The following GRID2 variants were observed in gnomAD, a reference collection of about 807,000 sequenced individuals.
GRID2 encodes the protein glutamate receptor ionotropic, delta-2.
In GRID2, 33 loss-of-function variants were observed where a neutral mutation model predicts 114.8. The observed-to-expected ratio is 0.29, with a 90% confidence interval of 0.22 to 0.38. The LOEUF (loss-of-function observed/expected upper bound fraction) is 0.38, where lower values mean the gene tolerates loss of function less well. Among genes scored for constraint, GRID2 ranks in the 10% least tolerant of loss-of-function variants. The pLI, the probability that GRID2 is intolerant of heterozygous loss-of-function variation, is 1.00. For missense variants in GRID2, 1,184 were observed against 1,257.7 expected, an observed-to-expected ratio of 0.94 and a Z score of 0.89; for synonymous variants, 505 against 449.9, an observed-to-expected ratio of 1.12 and a Z score of -1.55.
rs530851068 is a variant in GRID2 at position 92,950,675 on chromosome 4, A to G, written c.245-134320A>G. On this transcript the variant is annotated intron_variant, in intron 2 of 15. Transcript: ENST00000282020. ...GGCAATGCAATACATTTTGTCCTCC[A>G]AATCATCAGCCATGAAAATTGGTCC... 3.9e-5 allele frequency among the ~76,000 whole-genome samples: 6 copies of G among 152,320 alleles called. No homozygotes were observed. In the South Asian group the frequency reaches 1.2e-3, roughly 32 times the overall value.
chr4:93,423,334 T>C (rs1252301458), intron 10 of GRID2, among the ~76,000 whole-genome samples: 4 of 135,476 alleles, frequency 3.0e-5, no homozygotes, highest in Admixed American at 2.4e-4. Context: ...TTTTTTTTCT[T>C]TCTTTTTTTT....
Position 92,404,872 on chromosome 4 carries a change from G to C in GRID2, c.88+100128G>C, listed in dbSNP as rs141503877. Among the ~76,000 whole-genome samples, 670 of 152,196 alleles carry C rather than the reference G, an allele frequency of 4.4e-3. 1 individual carries two copies. Among genetic ancestry groups the C allele is most frequent in the Admixed American group, 7.0e-3 (107 of 15,272 alleles). The stretch of plus-strand genomic sequence containing the variant: ...ACAGAGGGGAACAACACACACTGGG[G>C]CCTGTTGGGCTGGTGGGGAGGGAGA... On this transcript the variant is annotated intron_variant, in intron 1 of 15. Coordinates refer to ENST00000282020, the MANE Select transcript of GRID2 (RefSeq NM_001510.4).
intron 2 of GRID2, among the ~76,000 whole-genome samples, chr4:93,011,373 A>T (rs908742601): frequency 6.6e-6 from 1 of 151,906 alleles, no homozygotes; most frequent in African/African-American, 2.4e-5. Context: ...CTGATTCATT[A>T]TATCACCTGC....
At chr4:93,721,580 C>G (rs1009866499) in intron 14 of GRID2, among the ~76,000 whole-genome samples, 2 of 152,114 alleles carry the variant, frequency 1.3e-5, no homozygotes, top group Non-Finnish European at 2.9e-5. Flanking sequence ...GCTTCTTTTT[C>G]TGTCAAATTG....
At chr4:93,081,095 A>T (rs1729820616) in intron 2 of GRID2, among the ~76,000 whole-genome samples, 1 of 150,704 alleles carries the variant, frequency 6.6e-6, no homozygotes, top group South Asian at 2.1e-4. Flanking sequence ...TCAATATTTC[A>T]ACTTTGGGGG....
chr4:92,479,520 A>G (rs1722479858), intron 1 of GRID2, among the ~76,000 whole-genome samples: 1 of 152,160 alleles, frequency 6.6e-6, no homozygotes, highest in Admixed American at 6.6e-5. Flanking sequence ...TTAAATGAGC[A>G]CTTACATATT....
intron 2 of GRID2, among the ~76,000 whole-genome samples, chr4:92,674,348 C>T (rs1413083178): frequency 6.6e-6 from 1 of 151,924 alleles, no homozygotes; most frequent in Non-Finnish European, 1.5e-5. Context: ...TACTTCAGTT[C>T]AATAGATTGG....
intron 4 of GRID2, among the ~76,000 whole-genome samples, chr4:93,160,083 GCACATATTTT>G (rs1737546811): frequency 6.6e-6 from 1 of 151,612 alleles, no homozygotes; most frequent in African/African-American, 2.4e-5. Flanking sequence ...ATAATCTTTG[GCACATATTTT>G]CACAGTTAAA....
At chr4:93,578,046 T>C (rs1250695000) in intron 13 of GRID2, among the ~76,000 whole-genome samples, 1 of 152,154 alleles carries the variant, frequency 6.6e-6, no homozygotes, top group Non-Finnish European at 1.5e-5. Flanking sequence ...CAGGTTTCAT[T>C]TGAGGGTGGC....
intron 1 of GRID2, among the ~76,000 whole-genome samples, chr4:92,374,692 C>A (rs1207229335): frequency 6.6e-6 from 1 of 152,086 alleles, no homozygotes; most frequent in Admixed American, 6.5e-5. Flanking sequence ...AAACAGGTAA[C>A]TTTTGAGATT....
intron 2 of GRID2, among the ~76,000 whole-genome samples, chr4:92,914,573 C>G (rs1748639246): frequency 6.6e-6 from 1 of 152,048 alleles, no homozygotes; most frequent in Non-Finnish European, 1.5e-5. Flanking sequence ...CTTCTCCCAC[C>G]CACCGCATTC....
At chr4:92,674,000 A>G (rs1291115813) in intron 2 of GRID2, among the ~76,000 whole-genome samples, 1 of 151,978 alleles carries the variant, frequency 6.6e-6, no homozygotes, top group Non-Finnish European at 1.5e-5. Flanking sequence ...ATAAAAAAAG[A>G]AGGCAGTTGA....
chr4:92,684,719 G>A (rs1386596804), intron 2 of GRID2, among the ~76,000 whole-genome samples: 5 of 152,026 alleles, frequency 3.3e-5, no homozygotes, highest in African/African-American at 4.8e-5. Flanking sequence ...GAAGGTATTT[G>A]TAAAGCAGTT....
chr4:92,942,670 G>T (rs151062837), intron 2 of GRID2, among the ~76,000 whole-genome samples: 321 of 152,246 alleles, frequency 2.1e-3, no homozygotes, highest in African/African-American at 7.3e-3. Flanking sequence ...AGCCTTGACG[G>T]TCTTTACAAT....
In GRID2 at chr4:93,583,611, G is replaced by A. The variant is rs542290238; in HGVS notation, c.2194-42658G>A. ...ATTATAGTACACATAAAAAACTGAAGTTCAAAAAGGCTCAGTAACTTGACC... is the reference window on the plus strand; with the variant it reads ...ATTATAGTACACATAAAAAACTGAAATTCAAAAAGGCTCAGTAACTTGACC... On this transcript the variant is annotated intron_variant, in intron 13 of 15. Coordinates refer to ENST00000282020, the MANE Select transcript of GRID2 (RefSeq NM_001510.4). Among the ~76,000 whole-genome samples, 18 of 152,210 alleles carry A rather than the reference G, an allele frequency of 1.2e-4. 1 individual carries two copies. Among genetic ancestry groups the A allele is most frequent in the African/African-American group, 4.3e-4 (18 of 41,538 alleles).
intron 2 of GRID2, among the ~76,000 whole-genome samples, chr4:92,804,665 A>G (rs1740330585): frequency 6.6e-6 from 1 of 152,046 alleles, no homozygotes; most frequent in Admixed American, 6.6e-5. Context: ...CTAGATATAA[A>G]TGAGAATTGG....
chr4:92,546,456 T>C (rs1337762484), intron 1 of GRID2, among the ~76,000 whole-genome samples: 2 of 152,184 alleles, frequency 1.3e-5, no homozygotes, highest in African/African-American at 4.8e-5. Flanking sequence ...ACCAAGTTTT[T>C]CTATTATTAT....
intron 2 of GRID2, among the ~76,000 whole-genome samples, chr4:92,775,932 T>A (rs1363646345): frequency 3.3e-5 from 5 of 152,148 alleles, no homozygotes; most frequent in Admixed American, 6.6e-5. Context: ...AGTTAATGCA[T>A]ACACTATGTT....
At chr4:92,664,418 T>C (rs1732668090) in intron 2 of GRID2, among the ~76,000 whole-genome samples, 1 of 151,120 alleles carries the variant, frequency 6.6e-6, no homozygotes. Context: ...TCTAAATTCA[T>C]CCTGTTGTGG....
Sources: gnomAD v4.1 joint callset for allele counts (sites outside exome capture counted in the v4.1 genomes callset) on GRCh38, gnomAD v4.1.1 for gene constraint, MANE v1.5 for transcripts, NCBI Gene and HGNC (gene_info 2026-07-23, HGNC 2026-07-21) for gene names.